Variants in COL13A1 observed in about 807,000 individuals in gnomAD.
The protein encoded by COL13A1 is collagen type XIII alpha 1 chain.
COL13A1 carries 89 observed loss-of-function variants against 130.9 expected under a neutral mutation model. The ratio of observed to expected loss-of-function variants is 0.68; its 90% CI spans 0.57 to 0.81. The LOEUF is 0.81. Among genes scored for constraint, COL13A1 ranks in the 30% least tolerant of loss-of-function variants. COL13A1 has a pLI of 0.00. For missense variants in COL13A1, 879 were observed against 934.6 expected (o/e 0.94, Z 0.78); for synonymous variants, 402 against 341.6 (o/e 1.18, Z -1.95).
chr10:69,953,333 C>T (rs962862243), intron 39 of COL13A1, among the ~76,000 whole-genome samples: 2 of 152,192 alleles, frequency 1.3e-5, no homozygotes, highest in Non-Finnish European at 2.9e-5. Flanking sequence ...TTGCCTTCTT[C>T]GTTTCATGGC....
chr10:69,876,299 C>T (rs2059563163), intron 5 of COL13A1, among the ~76,000 whole-genome samples: 1 of 152,194 alleles, frequency 6.6e-6, no homozygotes, highest in African/African-American at 2.4e-5. Context: ...AGCCCAACTC[C>T]AAACCTGCGC....
At chr10:69,950,156 C>T (rs1405115287) in intron 38 of COL13A1, among the ~76,000 whole-genome samples, 1 of 152,096 alleles carries the variant, frequency 6.6e-6, no homozygotes, top group African/African-American at 2.4e-5. Context: ...CTCCCCCTCA[C>T]CAGCTGTCAG....
At chr10:69,940,389 A>G (rs1341111849) in intron 34 of COL13A1, among the ~76,000 whole-genome samples, 1 of 152,212 alleles carries the variant, frequency 6.6e-6, no homozygotes, top group Non-Finnish European at 1.5e-5. Context: ...GTCAGGCATC[A>G]TTTGTAATAT....
At chr10:69,933,207 G>A (rs1392075952) in intron 31 of COL13A1, among the ~76,000 whole-genome samples, 1 of 147,862 alleles carries the variant, frequency 6.8e-6, no homozygotes, top group South Asian at 2.2e-4. Flanking sequence ...CCCATAATGG[G>A]CACTAGCATG....
intron 10 of COL13A1, among the ~76,000 whole-genome samples, chr10:69,890,461 G>A (rs910438333): frequency 6.6e-6 from 1 of 152,288 alleles, no homozygotes; most frequent in Non-Finnish European, 1.5e-5. Context: ...CCACAGGTTG[G>A]TGGGCCAGGA....
rs114352207 is a variant in COL13A1, at chr10:69,935,391, G to A, written c.1770G>A (p.Pro590=). 2.5e-3 allele frequency: 3,938 copies of A among 1,559,584 alleles called. 19 individuals are homozygous for A. Among genetic ancestry groups the A allele is most frequent in the African/African-American group, 0.015 (1,119 of 73,542 alleles). The change falls in exon 32 of 41, where the codon CCG becomes CCA. Residue 590 remains proline (P), a splice_region_variant and synonymous_variant. Transcript: ENST00000645393. The stretch of plus-strand genomic sequence containing the variant: ...GGCCAGAGGGGCCTCCCGGACCTCC[G>A]GTAAGTTTGGAGGGCTTGTCAGTGG... ...LPGPEGPPGP[P]GLQGVPGPKG... is the part of the protein sequence containing the mutation.
intron 3 of COL13A1, among the ~76,000 whole-genome samples, chr10:69,868,331 AAG>A (rs1402217487): frequency 1.3e-5 from 2 of 152,102 alleles, no homozygotes; most frequent in Admixed American, 6.5e-5. Flanking sequence ...ATGGTTATGT[AAG>A]AGAGAGCGGT....
intron 3 of COL13A1, among the ~76,000 whole-genome samples, chr10:69,871,856 A>T (rs373399275): frequency 1.3e-5 from 2 of 152,310 alleles, no homozygotes; most frequent in East Asian, 3.9e-4. Flanking sequence ...ACATTCTCTC[A>T]TTTGATCCTA....
At chr10:69,932,640 C>T (rs371830160) in intron 31 of COL13A1, 36 bp downstream of exon 31, 8 of 1,400,978 alleles carry the variant, frequency 5.7e-6, no homozygotes, top group South Asian at 3.5e-5. Context: ...ACTCATCAAG[C>T]GACAGTCTCT....
rs547360852 is a variant in COL13A1 at position 69,889,776 on chromosome 10, G to A, written c.603+336G>A. Among the ~76,000 whole-genome samples the A allele has an allele frequency of 2.6e-4, 39 of 152,298 alleles. No homozygotes were observed. The East Asian group carries it at 7.3e-3, about 29-fold the overall frequency. On this transcript the variant is annotated intron_variant, in intron 10 of 40. Coordinates refer to ENST00000645393, the MANE Select transcript of COL13A1 (RefSeq NM_001368882.1). ...GACAAGGTTTCATCTGCACTCACAG[G>A]GGACACTTTCTCTAGGAGACACCAT...
intron 2 of COL13A1, among the ~76,000 whole-genome samples, chr10:69,846,030 A>G (rs1468704417): frequency 2.0e-5 from 3 of 152,280 alleles, no homozygotes; most frequent in Non-Finnish European, 4.4e-5. Context: ...GCCAGTGCCC[A>G]GGCAGTCCTG....
At position 69,894,545 on chromosome 10, in the gene COL13A1, C is replaced by T; in HGVS notation, c.604-7C>T. 2 of 1,613,882 alleles carry T rather than the reference C, an allele frequency of 1.2e-6. No individual in the cohort carries two copies. The highest frequency in any genetic ancestry group is 1.7e-6 in the Non-Finnish European group (2 of 1,179,896). On this transcript the variant is annotated splice_polypyrimidine_tract_variant and splice_region_variant and intron_variant, in intron 10 of 40. Transcript: ENST00000645393. ...CCCACTGACCTGTGTGTGTTTGCTT[C>T]CCACAGGGTCTGACGGGTCCCCCAG... is the stretch of plus-strand genomic sequence containing the variant.
chr10:69,900,818 C>T (rs1055939829), intron 14 of COL13A1, among the ~76,000 whole-genome samples: 3 of 152,156 alleles, frequency 2.0e-5, no homozygotes, highest in South Asian at 4.1e-4. Flanking sequence ...TGGGTCCTGG[C>T]GCCACCCTGA....
intron 1 of COL13A1, among the ~76,000 whole-genome samples, chr10:69,810,341 T>C (rs1006172055): frequency 1.2e-5 from 1 of 85,974 alleles, no homozygotes; most frequent in Non-Finnish European, 2.3e-5. Flanking sequence ...TGGCAGGCCC[T>C]GAGAATGAGA....
chr10:69,945,766 G>C, intron 37 of COL13A1, 42 bp downstream of exon 37: 1 of 1,589,144 alleles, frequency 6.3e-7, no homozygotes, highest in Non-Finnish European at 8.6e-7. Context: ...TCCCACCCCT[G>C]CCCCCATTAG....
rs527958610 is a variant in COL13A1, at chr10:69,888,160, A to G, written c.550-144A>G. On this transcript the variant is annotated intron_variant, in intron 8 of 40. Coordinates refer to ENST00000645393, the MANE Select transcript of COL13A1 (RefSeq NM_001368882.1). ...TTGAGGCCTAGGCTTACCCATAGTC[A>G]CATTAACAAGTACGTGGTCAAGCAG... The G allele has an allele frequency of 8.5e-5, 72 of 846,440 alleles. No individual in the cohort carries two copies. The African/African-American group carries it at 1.2e-3, about 14-fold the overall frequency. 52.4% of individuals were successfully genotyped at this position (846,440 alleles called of 1,614,324 possible).
intron 17 of COL13A1, 111 bp from the exon 18 acceptor site, chr10:69,917,177 TG>T: frequency 2.2e-6 from 3 of 1,353,710 alleles, no homozygotes; most frequent in Non-Finnish European, 3.1e-6. Context: ...GAGCTCAACA[TG>T]AACCGGACAG....
chr10:69,905,917 C>CTACAGGCACAGCCACG, intron 17 of COL13A1, 95 bp downstream of exon 17: 1 of 1,419,242 alleles, frequency 7.0e-7, no homozygotes, highest in Non-Finnish European at 9.7e-7. Context: ...CCCTTCCAAC[C>CTACAGGCACAGCCACG]TAGGTGGCTG....
At chr10:69,877,724 CA>C in intron 5 of COL13A1, 1 of 395,808 alleles carries the variant, frequency 2.5e-6, no homozygotes, top group South Asian at 3.5e-5. Flanking sequence ...CACACACACA[CA>C]CACACACACA....
Sources: allele counts gnomAD v4.1 joint callset (sites outside exome capture counted in the v4.1 genomes callset), GRCh38; gene constraint gnomAD v4.1.1; transcripts MANE v1.5; gene names NCBI Gene and HGNC (gene_info 2026-07-23, HGNC 2026-07-21).